The following CA10 variants were observed in gnomAD, a reference collection of about 807,000 sequenced individuals.
The protein encoded by CA10 is carbonic anhydrase-related protein 10.
CA10 carries 14 observed loss-of-function variants against 44.2 expected under a neutral mutation model. The ratio of observed to expected loss-of-function variants is 0.32; its 90% CI spans 0.21 to 0.50. CA10 has a LOEUF of 0.50. CA10 is among the 20% of genes least tolerant of loss of function. CA10 has a pLI of 0.99. For missense variants in CA10, 350 were observed against 409.7 expected, an observed-to-expected ratio of 0.85 and a Z score of 1.26; for synonymous variants, 159 against 141.6, an observed-to-expected ratio of 1.12 and a Z score of -0.87.
At chr17:51,692,044 G>T (rs1421121393) in intron 4 of CA10, among the ~76,000 whole-genome samples, 3 of 152,082 alleles carry the variant, frequency 2.0e-5, no homozygotes, top group Non-Finnish European at 4.4e-5. Context: ...AATGTCATTG[G>T]TATTTTGATA....
intron 1 of CA10, among the ~76,000 whole-genome samples, chr17:52,115,712 C>T (rs775996331): frequency 6.6e-5 from 10 of 152,218 alleles, no homozygotes; most frequent in African/African-American, 2.2e-4. Context: ...AAGGGCCCTG[C>T]GTGGCTGGCT....
chr17:51,810,885 G>A (rs1002552278), intron 3 of CA10, among the ~76,000 whole-genome samples: 1 of 152,116 alleles, frequency 6.6e-6, no homozygotes, highest in Admixed American at 6.5e-5. Context: ...AATTCCAATG[G>A]GTCAAGTCAA....
chr17:51,773,423 A>G (rs1905688279), intron 3 of CA10, among the ~76,000 whole-genome samples: 1 of 152,200 alleles, frequency 6.6e-6, no homozygotes, highest in Non-Finnish European at 1.5e-5. Context: ...CCTGTCTGAG[A>G]AGCAGAGAGA....
intron 6 of CA10, among the ~76,000 whole-genome samples, chr17:51,644,800 CTTTT>C (rs148441183): frequency 2.5e-5 from 3 of 121,122 alleles, no homozygotes; most frequent in African/African-American, 6.2e-5. Context: ...CATTTCTTGG[CTTTT>C]TTTTTTTTTT....
chr17:52,067,958 G>C (rs913516093), intron 2 of CA10, among the ~76,000 whole-genome samples: 2 of 152,178 alleles, frequency 1.3e-5, no homozygotes, highest in Non-Finnish European at 2.9e-5. Context: ...CCTTGTCTTA[G>C]ATGAGACTTT....
chr17:51,944,410 G>A (rs73987323), intron 2 of CA10, among the ~76,000 whole-genome samples: 7,033 of 152,204 alleles, frequency 0.046, 209 homozygotes, highest in African/African-American at 0.088. Context: ...CTCACCTTAT[G>A]GGAAGAGAGT....
At chr17:51,746,191 C>T (rs931423978) in intron 4 of CA10, among the ~76,000 whole-genome samples, 1 of 152,228 alleles carries the variant, frequency 6.6e-6, no homozygotes, top group African/African-American at 2.4e-5. Flanking sequence ...TAGATGAAAT[C>T]ATGCAGCTTC....
intron 2 of CA10, among the ~76,000 whole-genome samples, chr17:51,973,885 T>C (rs1189346337): frequency 6.6e-6 from 1 of 152,134 alleles, no homozygotes; most frequent in South Asian, 2.1e-4. Flanking sequence ...TTGGGAAGTA[T>C]AATGTCAACA....
chr17:51,692,038 T>A (rs1915213042), intron 4 of CA10, among the ~76,000 whole-genome samples: 1 of 152,208 alleles, frequency 6.6e-6, no homozygotes, highest in Non-Finnish European at 1.5e-5. Flanking sequence ...ATGAACAATG[T>A]CATTGGTATT....
At chr17:51,835,869 G>A (rs1488348921) in intron 3 of CA10, among the ~76,000 whole-genome samples, 1 of 152,178 alleles carries the variant, frequency 6.6e-6, no homozygotes, top group Admixed American at 6.5e-5. Flanking sequence ...AGCAGAGAAG[G>A]GTTGCAAGGA....
At chr17:51,699,316 T>G (rs920061006) in intron 4 of CA10, among the ~76,000 whole-genome samples, 8 of 139,316 alleles carry the variant, frequency 5.7e-5, no homozygotes, top group Admixed American at 3.0e-4. Context: ...AGAGCGAAAC[T>G]CCATCTCAAA....
At chr17:52,062,488 C>T (rs538001686) in intron 2 of CA10, among the ~76,000 whole-genome samples, 1 of 152,198 alleles carries the variant, frequency 6.6e-6, no homozygotes, top group African/African-American at 2.4e-5. Context: ...AAAGGTTTTT[C>T]AGAAATCTTT....
intron 2 of CA10, among the ~76,000 whole-genome samples, chr17:52,059,958 G>A (rs1399676550): frequency 1.3e-5 from 2 of 152,178 alleles, no homozygotes; most frequent in African/African-American, 4.8e-5. Flanking sequence ...TAATGCAAGT[G>A]ATCTGGTTCT....
chr17:51,937,523 T>C (rs1271943880), intron 2 of CA10, among the ~76,000 whole-genome samples: 1 of 152,140 alleles, frequency 6.6e-6, no homozygotes, highest in Non-Finnish European at 1.5e-5. Flanking sequence ...TTGTTAAAGG[T>C]AAGTTCTCCC....
chr17:51,822,427 CAA>C (rs112644692), intron 3 of CA10, among the ~76,000 whole-genome samples: 1,619 of 137,820 alleles, frequency 0.012, 35 homozygotes, highest in African/African-American at 0.049. Context: ...AAAAACAAAA[CAA>C]AAACAAAAAC....
chr17:51,919,614 T>A (rs185064449), intron 3 of CA10, among the ~76,000 whole-genome samples: 1 of 151,876 alleles, frequency 6.6e-6, no homozygotes, highest in African/African-American at 2.4e-5. Context: ...AAGAGGCTGG[T>A]TGTTTTGTAA....
At chr17:51,776,816 G>A (rs1322111196) in intron 3 of CA10, among the ~76,000 whole-genome samples, 3 of 152,200 alleles carry the variant, frequency 2.0e-5, no homozygotes, top group African/African-American at 2.4e-5. Context: ...GTACCTACAC[G>A]TATTGGACAA....
intron 3 of CA10, among the ~76,000 whole-genome samples, chr17:51,786,306 C>G (rs981445108): frequency 1.3e-5 from 2 of 151,998 alleles, no homozygotes; most frequent in African/African-American, 4.8e-5. Flanking sequence ...AATCCCAGCA[C>G]TTTGGGAGGC....
intron 4 of CA10, among the ~76,000 whole-genome samples, chr17:51,673,434 C>T (rs1914499652): frequency 2.0e-5 from 3 of 152,102 alleles, no homozygotes; most frequent in African/African-American, 7.2e-5. Flanking sequence ...CCTCCTCTTC[C>T]TTCATCCCCT....
Sources: gnomAD v4.1 joint callset for allele counts (sites outside exome capture counted in the v4.1 genomes callset) on GRCh38, gnomAD v4.1.1 for gene constraint, MANE v1.5 for transcripts, NCBI Gene and HGNC (gene_info 2026-07-23, HGNC 2026-07-21) for gene names.